EFNA5: variants seen among roughly 807,000 people sequenced by gnomAD.
EFNA5 encodes the protein ephrin-A5.
EFNA5 carries 5 observed loss-of-function variants against 22.9 expected under a neutral mutation model. The ratio of observed to expected loss-of-function variants is 0.22; its 90% CI spans 0.11 to 0.46. The LOEUF is 0.46. Among genes scored for constraint, EFNA5 ranks in the 20% least tolerant of loss-of-function variants. The probability of loss-of-function intolerance (pLI) is 0.99; values close to 1 mark genes in which losing one functional copy is unlikely to be tolerated. For synonymous variants in EFNA5, 113 were observed against 112.2 expected, an observed-to-expected ratio of 1.01 and a Z score of -0.04; for missense variants, 237 against 293.3, an observed-to-expected ratio of 0.81 and a Z score of 1.40.
intron 1 of EFNA5, among the ~76,000 whole-genome samples, chr5:107,570,204 G>A (rs77158132): frequency 1.9e-3 from 283 of 152,298 alleles, no homozygotes; most frequent in African/African-American, 6.0e-3. Flanking sequence ...CTTAAAGTCC[G>A]TAATTACATA....
At chr5:107,565,017 C>T (rs185225621) in intron 1 of EFNA5, among the ~76,000 whole-genome samples, 27 of 152,192 alleles carry the variant, frequency 1.8e-4, no homozygotes, top group Admixed American at 1.4e-3. Context: ...TTCTAGCAAA[C>T]GTGAAGACCA....
In EFNA5 at chr5:107,606,548, C is replaced by G. The variant is rs1047040674; in HGVS notation, c.125+63941G>C. Among the ~76,000 whole-genome samples the G allele has an allele frequency of 2.9e-4, 39 of 135,444 alleles. No individual in the cohort carries two copies. The East Asian group carries it at 7.8e-3, about 27-fold the overall frequency. The allele number at this position is 135,444 out of a possible 152,430, so 88.9% of individuals were successfully genotyped here. A position where few individuals can be genotyped will look rare whatever the true frequency, so the allele number is the denominator to read the frequency against. ...CACACTTGCACGTACAACACACACA[C>G]ACACACACACACACACACACACACA... On this transcript the variant is annotated intron_variant, in intron 1 of 4. Transcript: ENST00000333274.
intron 1 of EFNA5, among the ~76,000 whole-genome samples, chr5:107,442,204 G>C (rs1324311936): frequency 6.6e-6 from 1 of 151,632 alleles, no homozygotes; most frequent in Non-Finnish European, 1.5e-5. Flanking sequence ...TTGATACTTA[G>C]TCTTAATAAT....
intron 1 of EFNA5, among the ~76,000 whole-genome samples, chr5:107,467,670 A>G (rs2112462387): frequency 6.6e-6 from 1 of 152,340 alleles, no homozygotes; most frequent in East Asian, 1.9e-4. Flanking sequence ...AGGCAGCTTT[A>G]CCTTTGGGCT....
chr5:107,596,269 A>G (rs1478421530), intron 1 of EFNA5, among the ~76,000 whole-genome samples: 1 of 152,206 alleles, frequency 6.6e-6, no homozygotes, highest in Non-Finnish European at 1.5e-5. Flanking sequence ...CTCTATGCCC[A>G]CTGAACAATA....
chr5:107,522,533 G>A (rs2112444429), intron 1 of EFNA5, among the ~76,000 whole-genome samples: 1 of 152,142 alleles, frequency 6.6e-6, no homozygotes, highest in South Asian at 2.1e-4. Context: ...CAAGTAGCTA[G>A]GATTATAGGC....
intron 1 of EFNA5, among the ~76,000 whole-genome samples, chr5:107,585,815 GAAGTT>G (rs1184324690): frequency 1.3e-5 from 2 of 152,232 alleles, no homozygotes; most frequent in Non-Finnish European, 2.9e-5. Context: ...ACTGTGGTTA[GAAGTT>G]AAGTTACATA....
chr5:107,432,062 C>T (rs1457551752), intron 1 of EFNA5, among the ~76,000 whole-genome samples: 3 of 152,178 alleles, frequency 2.0e-5, no homozygotes, highest in Non-Finnish European at 4.4e-5. Context: ...TTTATATTTA[C>T]ACTGGTCTTC....
At chr5:107,452,340 G>GA (rs1051278844) in intron 1 of EFNA5, among the ~76,000 whole-genome samples, 3 of 149,898 alleles carry the variant, frequency 2.0e-5, no homozygotes, top group Non-Finnish European at 3.0e-5. Context: ...TTTTCTTTTA[G>GA]AAAAAAAAAG....
At chr5:107,634,166 C>T (rs2112538616) in intron 1 of EFNA5, among the ~76,000 whole-genome samples, 1 of 152,290 alleles carries the variant, frequency 6.6e-6, no homozygotes, top group South Asian at 2.1e-4. Flanking sequence ...CTCACCATTT[C>T]TCAACTGTGA....
chr5:107,605,382 T>G (rs1333906740), intron 1 of EFNA5, among the ~76,000 whole-genome samples: 3 of 152,078 alleles, frequency 2.0e-5, no homozygotes, highest in Non-Finnish European at 2.9e-5. Context: ...ATTTGAAAAT[T>G]TTTTGCAATC....
At chr5:107,468,059 A>G (rs902123956) in intron 1 of EFNA5, among the ~76,000 whole-genome samples, 2 of 152,204 alleles carry the variant, frequency 1.3e-5, no homozygotes, top group African/African-American at 4.8e-5. Flanking sequence ...TATCACTGAC[A>G]TCTTGGTAGA....
chr5:107,593,095 G>A (rs1561443641), intron 1 of EFNA5, among the ~76,000 whole-genome samples: 1 of 152,214 alleles, frequency 6.6e-6, no homozygotes, highest in Non-Finnish European at 1.5e-5. Context: ...CAGTTCTTAT[G>A]TAACTGTTTG....
Position 107,649,451 on chromosome 5 carries a change from A to G in EFNA5, c.125+21038T>C, listed in dbSNP as rs1234441801. 2.0e-5 allele frequency among the ~76,000 whole-genome samples: 3 copies of G among 152,200 alleles called. No individual in the cohort carries two copies. In the East Asian group the frequency reaches 5.8e-4, roughly 29 times the overall value. Reference sequence around the variant, plus strand: ...CAACTCATAGGCTAATCGTCAAATGACTAATTCTCCATGTTAATGAATCAG... The same window carrying G: ...CAACTCATAGGCTAATCGTCAAATGGCTAATTCTCCATGTTAATGAATCAG... On this transcript the variant is annotated intron_variant, in intron 1 of 4. Transcript: ENST00000333274.
chr5:107,485,707 G>A (rs1019499396), intron 1 of EFNA5, among the ~76,000 whole-genome samples: 1 of 152,158 alleles, frequency 6.6e-6, no homozygotes, highest in Non-Finnish European at 1.5e-5. Context: ...TATTTTAAAA[G>A]TCAGGCTTAG....
intron 1 of EFNA5, among the ~76,000 whole-genome samples, chr5:107,538,000 T>C (rs1000333883): frequency 4.6e-5 from 7 of 152,032 alleles, no homozygotes; most frequent in African/African-American, 7.3e-5. Flanking sequence ...ATATTGAGAT[T>C]AGAATGGTGG....
Position 107,380,146 on chromosome 5 carries a change from A to T in EFNA5, c.*1109T>A, listed in dbSNP as rs1391195330. 6.6e-6 allele frequency: 1 copy of T among 151,868 alleles called. No individual in the cohort carries two copies. Among genetic ancestry groups the T allele is most frequent in the Non-Finnish European group, 1.5e-5 (1 of 68,004 alleles). The allele number at this position is 151,868 out of a possible 1,614,324, so 9.4% of individuals were successfully genotyped here. On this transcript the variant is annotated 3_prime_UTR_variant, in exon 5 of 5. Coordinates refer to ENST00000333274, the MANE Select transcript of EFNA5 (RefSeq NM_001962.3). ...TGTGTCCGAGCCCCTGCGGTCAAGGAGTGTGGAGCAAAACGTGGGTACTAG... is the reference window on the plus strand; with the variant it reads ...TGTGTCCGAGCCCCTGCGGTCAAGGTGTGTGGAGCAAAACGTGGGTACTAG...
At chr5:107,408,243 G>A (rs573988362) in intron 2 of EFNA5, among the ~76,000 whole-genome samples, 2 of 151,860 alleles carry the variant, frequency 1.3e-5, no homozygotes, top group Non-Finnish European at 2.9e-5. Flanking sequence ...TAAGGAAAAG[G>A]CTTATAAAAT....
chr5:107,410,317 G>C (rs895281532), intron 2 of EFNA5, among the ~76,000 whole-genome samples: 3 of 152,156 alleles, frequency 2.0e-5, no homozygotes, highest in Admixed American at 2.0e-4. Flanking sequence ...TTTGAAGGAA[G>C]AGAACACTAG....
Sources: allele counts gnomAD v4.1 joint callset (sites outside exome capture counted in the v4.1 genomes callset), GRCh38; gene constraint gnomAD v4.1.1; transcripts MANE v1.5; gene names NCBI Gene and HGNC (gene_info 2026-07-23, HGNC 2026-07-21).